The following CTSK variants were observed in gnomAD, a reference collection of about 807,000 sequenced individuals.
CTSK encodes the protein cathepsin O.
CTSK carries 26 observed loss-of-function variants against 40.5 expected under a neutral mutation model. That is an observed-to-expected ratio of 0.64 (90% CI 0.47 to 0.89). The LOEUF is 0.89. Ranked by LOEUF, CTSK falls within the 40% of genes least tolerant of loss-of-function variation. The pLI is 0.00. For synonymous variants in CTSK, 132 were observed against 143.2 expected (o/e 0.92, Z 0.56); for missense variants, 292 against 400.1 (o/e 0.73, Z 2.30).
At chr1:150,798,865 C>T (rs1484975409) in intron 7 of CTSK, among the ~76,000 whole-genome samples, 2 of 152,156 alleles carry the variant, frequency 1.3e-5, no homozygotes, top group East Asian at 1.9e-4. Flanking sequence ...TGAGTAAAAG[C>T]TCTGAGGCCT....
In CTSK at chr1:150,805,852, G is replaced by A. The variant is rs188468815; in HGVS notation, c.399+9C>T. ...ATTACATATGCACACCCAGAAGAAA[G>A]GAGAGTACCTGATTTTTGACAGGAG... On this transcript the variant is annotated intron_variant, in intron 4 of 7. Coordinates refer to ENST00000271651, the MANE Select transcript of CTSK (RefSeq NM_000396.4). The A allele has an allele frequency of 1.5e-4, 238 of 1,613,978 alleles. No homozygotes were observed. The African/African-American group carries it at 2.9e-3, about 19-fold the overall frequency.
chr1:150,804,015 T>C lies in CTSK; in HGVS notation c.618+6A>G. The stretch of plus-strand genomic sequence containing the variant: ...AGAGCTGTATAATTGTGTGGAGCAA[T>C]CTCACCTGTCCCACATATGGGTAGG... On this transcript the variant is annotated splice_donor_region_variant and intron_variant, in intron 5 of 7. Transcript: ENST00000271651. The C allele has an allele frequency of 6.2e-7, 1 of 1,611,238 alleles. No individual in the cohort carries two copies. The highest frequency in any genetic ancestry group is 1.1e-5 in the South Asian group (1 of 91,024).
chr1:150,802,422 C>T (rs146372943), intron 5 of CTSK, among the ~76,000 whole-genome samples: 5 of 151,800 alleles, frequency 3.3e-5, no homozygotes, highest in Non-Finnish European at 5.9e-5. Context: ...CCAAAAAAAA[C>T]GGTTGTTGTT....
Position 150,805,986 on chromosome 1 carries a change from C to T in CTSK, c.274G>A (p.Gly92Arg), listed in dbSNP as rs768992778. 1.2e-6 allele frequency: 2 copies of T among 1,613,974 alleles called. No homozygotes were observed. The change falls in exon 4 of 8, where the codon GGA (glycine) becomes AGA (arginine). Residue 92 changes from glycine (G) to arginine (R), a missense_variant. Gly to Arg is a moderately radical substitution (Grantham distance 125). Coordinates refer to ENST00000271651, the MANE Select transcript of CTSK (RefSeq NM_000396.4). Reference protein sequence around the residue: ...TSEEVVQKMTGLKVPLSHSRS... With the variant: ...TSEEVVQKMTRLKVPLSHSRS... ...GAATGAGACAGGGGTACTTTGAGTC[C>T]AGTCATCTTCTGAACCACCTCTTCA...
intron 1 of CTSK, 130 bp from the exon 2 acceptor site, chr1:150,806,936 G>T: frequency 9.3e-7 from 1 of 1,077,802 alleles, no homozygotes; most frequent in Non-Finnish European, 1.4e-6. Flanking sequence ...AGGGGCCTGT[G>T]TTTAGATAGG....
intron 2 of CTSK, 42 bp from the exon 3 acceptor site, chr1:150,806,266 T>C: frequency 6.2e-7 from 1 of 1,606,762 alleles, no homozygotes; most frequent in South Asian, 1.1e-5. Flanking sequence ...CTGTCTACAG[T>C]TACATATGTA....
chr1:150,801,942 C>CT (rs34084932), intron 5 of CTSK, among the ~76,000 whole-genome samples: 1 of 151,986 alleles, frequency 6.6e-6, no homozygotes, highest in South Asian at 2.1e-4. Context: ...TCTCTTTAAA[C>CT]TTTTAAGAAT....
Position 150,799,150 on chromosome 1 carries a change from T to C in CTSK, c.890+18A>G, listed in dbSNP as rs201034359. 2.7e-6 allele frequency: 4 copies of C among 1,483,602 alleles called. No homozygotes were observed. Among genetic ancestry groups the C allele is most frequent in the African/African-American group, 1.4e-5 (1 of 72,472 alleles). 91.9% of individuals were successfully genotyped at this position (1,483,602 alleles called of 1,614,324 possible). On this transcript the variant is annotated intron_variant, in intron 7 of 7. Coordinates refer to ENST00000271651, the MANE Select transcript of CTSK (RefSeq NM_000396.4). ...TAAAAGGGTGACTGAATAACAAAAG[T>C]AGTGTTCCCATCATTACCTGTTTTT...
intron 1 of CTSK, among the ~76,000 whole-genome samples, chr1:150,807,636 A>G (rs1452184024): frequency 1.3e-5 from 2 of 152,248 alleles, no homozygotes; most frequent in Non-Finnish European, 2.9e-5. Context: ...ACAGCTTTTC[A>G]TAAGTTTACT....
rs1183971709 is a variant in CTSK at position 150,799,312 on chromosome 1, C to T, written c.785-39G>A. The T allele has an allele frequency of 2.0e-6, 3 of 1,470,568 alleles. No homozygotes were observed. In the South Asian group the frequency reaches 3.4e-5, roughly 17 times the overall value. The allele number at this position is 1,470,568 out of a possible 1,614,324, so 91.1% of individuals were successfully genotyped here. A position where few individuals can be genotyped will look rare whatever the true frequency, so the allele number is the denominator to read the frequency against. On this transcript the variant is annotated intron_variant, in intron 6 of 7. Coordinates refer to ENST00000271651, the MANE Select transcript of CTSK (RefSeq NM_000396.4). ...TACCAGCGTGAGGCTCTATGCAATC[C>T]AAGGGTCACCCTGTGGGATCTCCCA... is the stretch of plus-strand genomic sequence containing the variant.
rs745343425 is a variant in CTSK at position 150,799,686 on chromosome 1, T to G, written c.642A>C (p.Pro214=). Residue 214 remains proline, a synonymous_variant, in exon 6 of 8, where the codon CCA becomes CCC. Transcript: ENST00000271651. The part of the protein sequence containing the change: ...VGQEESCMYN[P]TGKAAKCRGY... ...CTCTGCATTTAGCTGCCTTGCCTGT[T>G]GGGTTGTACATACAACTCTCTTCCT... 1.2e-6 allele frequency: 2 copies of G among 1,614,172 alleles called. No homozygotes were observed. The highest frequency in any genetic ancestry group is 1.1e-5 in the South Asian group (1 of 91,080).
At chr1:150,797,621 CT>C (rs1027459459) in intron 7 of CTSK, among the ~76,000 whole-genome samples, 1 of 152,076 alleles carries the variant, frequency 6.6e-6, no homozygotes, top group Non-Finnish European at 1.5e-5. Flanking sequence ...GAGAGATTGT[CT>C]GTTTATCTTC....
In CTSK at chr1:150,796,308, A is replaced by T. The variant is rs1176472075; in HGVS notation, c.*491T>A. 2 of 180,416 alleles carry T rather than the reference A, an allele frequency of 1.1e-5. No individual in the cohort carries two copies. Among genetic ancestry groups the T allele is most frequent in the Non-Finnish European group, 2.4e-5 (2 of 84,276 alleles). The allele number at this position is 180,416 out of a possible 1,614,324, so 11.2% of individuals were successfully genotyped here. On this transcript the variant is annotated 3_prime_UTR_variant, in exon 8 of 8. Coordinates refer to ENST00000271651, the MANE Select transcript of CTSK (RefSeq NM_000396.4). ...AAGACAAATCACATTTCTTTTTATC[A>T]TGTAAACTTGTACCAAAGACTTATG...
Position 150,806,161 on chromosome 1 carries a change from G to T in CTSK, c.184C>A (p.Leu62Ile). The change falls in exon 3 of 8, where the codon CTT (leucine) becomes ATT (isoleucine). Residue 62 changes from leucine (L) to isoleucine (I), a missense_variant. Transcript: ENST00000271651. Reference protein sequence around the residue: ...KNLKYISIHNLEASLGVHTYE... With the variant: ...KNLKYISIHNIEASLGVHTYE... Reference sequence around the variant, plus strand: ...GTATGGACACCAAGAGAAGCCTCAAGGTTATGGATGGAAATATACTTCAGG... The same window carrying T: ...GTATGGACACCAAGAGAAGCCTCAATGTTATGGATGGAAATATACTTCAGG... 6.2e-7 allele frequency: 1 copy of T among 1,614,142 alleles called. No individual in the cohort carries two copies. Among genetic ancestry groups the T allele is most frequent in the East Asian group, 2.2e-5 (1 of 44,890 alleles).
At chr1:150,803,054 C>A (rs1654023568) in intron 5 of CTSK, among the ~76,000 whole-genome samples, 1 of 152,150 alleles carries the variant, frequency 6.6e-6, no homozygotes, top group Non-Finnish European at 1.5e-5. Flanking sequence ...TTTTGGCAAA[C>A]AATTTGACAT....
At position 150,806,053 on chromosome 1, in the gene CTSK, G is replaced by A. The variant is rs760699631; in HGVS notation, c.244-37C>T. On this transcript the variant is annotated intron_variant, in intron 3 of 7. Transcript: ENST00000271651. Reference sequence around the variant, plus strand: ...AAGAAAGAGGCCAGGCATCAGCAGGGAACTAAAGCAAATGGTGCAGGTGGG... The same window carrying A: ...AAGAAAGAGGCCAGGCATCAGCAGGAAACTAAAGCAAATGGTGCAGGTGGG... The A allele has an allele frequency of 3.7e-6, 6 of 1,614,180 alleles. No individual in the cohort carries two copies. The Admixed American group carries it at 5.0e-5, about 13-fold the overall frequency.
In CTSK at chr1:150,799,505, C is replaced by T; in HGVS notation, c.784+39G>A. The T allele has an allele frequency of 1.9e-6, 3 of 1,611,714 alleles. No individual in the cohort carries two copies. In the South Asian group the frequency reaches 3.3e-5, roughly 18 times the overall value. On this transcript the variant is annotated intron_variant, in intron 6 of 7. Coordinates refer to ENST00000271651, the MANE Select transcript of CTSK (RefSeq NM_000396.4). ...CTTCGAGAAACCATCAAGTTTGTAT[C>T]ATAAAAGACAGTGCTGTATAGGATC...
At chr1:150,806,976 G>T (rs1654107622) in intron 1 of CTSK, among the ~76,000 whole-genome samples, 170 bp from the exon 2 acceptor site, 1 of 138,216 alleles carries the variant, frequency 7.2e-6, no homozygotes, top group African/African-American at 2.6e-5. Context: ...CAAGGACTTT[G>T]ATCTAGGGGG....
chr1:150,805,287 A>T (rs1172153471), intron 4 of CTSK, among the ~76,000 whole-genome samples: 2 of 151,748 alleles, frequency 1.3e-5, no homozygotes, highest in African/African-American at 4.8e-5. Flanking sequence ...CTTATTTTGC[A>T]TAAATATTTG....
Sources: gnomAD v4.1 joint callset for allele counts (sites outside exome capture counted in the v4.1 genomes callset) on GRCh38, gnomAD v4.1.1 for gene constraint, MANE v1.5 for transcripts, NCBI Gene and HGNC (gene_info 2026-07-23, HGNC 2026-07-21) for gene names.